Variants in NRXN3 observed in about 807,000 individuals in gnomAD.
The protein encoded by NRXN3 is neurexin III.
Under a neutral mutation model 137.6 loss-of-function variants are expected in NRXN3, and 32 were observed. That is an observed-to-expected ratio of 0.23 (90% CI 0.18 to 0.31). The LOEUF (loss-of-function observed/expected upper bound fraction) is 0.31, where lower values mean the gene tolerates loss of function less well. Among genes scored for constraint, NRXN3 ranks in the 10% least tolerant of loss-of-function variants. The probability of loss-of-function intolerance (pLI) is 1.00; values close to 1 mark genes in which losing one functional copy is unlikely to be tolerated. For synonymous variants in NRXN3, 798 were observed against 784.5 expected, an observed-to-expected ratio of 1.02 and a Z score of -0.29; for missense variants, 1,574 against 2,062.5, an observed-to-expected ratio of 0.76 and a Z score of 4.59.
At chr14:79,630,877 C>T (rs1162742558) in intron 16 of NRXN3, among the ~76,000 whole-genome samples, 1 of 152,182 alleles carries the variant, frequency 6.6e-6, no homozygotes, top group Non-Finnish European at 1.5e-5. Context: ...TATATAGATA[C>T]ATTTAGGTCT....
At chr14:78,442,540 TG>T (rs1371539596) in intron 4 of NRXN3, among the ~76,000 whole-genome samples, 1 of 152,240 alleles carries the variant, frequency 6.6e-6, no homozygotes, top group East Asian at 1.9e-4. Context: ...CCATCCAGTC[TG>T]TGGCAATTTG....
At chr14:79,549,943 AC>A (rs1248734363) in intron 16 of NRXN3, among the ~76,000 whole-genome samples, 2 of 148,978 alleles carry the variant, frequency 1.3e-5, no homozygotes, top group African/African-American at 2.5e-5. Context: ...CCTACAGGTT[AC>A]TTCTCATATT....
intron 4 of NRXN3, among the ~76,000 whole-genome samples, chr14:78,550,234 C>T (rs1241972581): frequency 6.6e-6 from 1 of 152,092 alleles, no homozygotes; most frequent in Non-Finnish European, 1.5e-5. Context: ...AGGGATTCAG[C>T]ATATTTCCCA....
At chr14:78,933,047 C>T (rs1037796516) in intron 10 of NRXN3, among the ~76,000 whole-genome samples, 3 of 152,088 alleles carry the variant, frequency 2.0e-5, no homozygotes, top group Admixed American at 6.6e-5. Context: ...CAATTTGCAT[C>T]GTCTGTCCAT....
At chr14:78,618,032 T>A (rs1195440516) in intron 4 of NRXN3, among the ~76,000 whole-genome samples, 2 of 151,952 alleles carry the variant, frequency 1.3e-5, no homozygotes, top group Non-Finnish European at 2.9e-5. Context: ...AATCAATCAT[T>A]CTTATGTATC....
intron 15 of NRXN3, among the ~76,000 whole-genome samples, chr14:79,265,740 T>C (rs2078366680): frequency 2.0e-5 from 3 of 152,214 alleles, no homozygotes. Flanking sequence ...TGACTCCCTC[T>C]GTGATGTTTC....
At chr14:79,254,049 C>T (rs774508595) in intron 15 of NRXN3, among the ~76,000 whole-genome samples, 1 of 152,138 alleles carries the variant, frequency 6.6e-6, no homozygotes. Flanking sequence ...CTCATTATTT[C>T]CATTCCATGG....
intron 19 of NRXN3, among the ~76,000 whole-genome samples, chr14:79,721,227 A>G (rs1258557373): frequency 6.6e-6 from 1 of 152,118 alleles, no homozygotes; most frequent in Non-Finnish European, 1.5e-5. Flanking sequence ...AATTCTTACT[A>G]CCTAATTCCA....
chr14:79,842,445 C>T (rs148142479), intron 20 of NRXN3, among the ~76,000 whole-genome samples: 41 of 152,154 alleles, frequency 2.7e-4, no homozygotes, highest in African/African-American at 8.7e-4. Flanking sequence ...GGCCAGAGCC[C>T]GAGATATCCT....
intron 16 of NRXN3, among the ~76,000 whole-genome samples, chr14:79,546,826 T>C (rs1467841581): frequency 6.6e-6 from 1 of 152,194 alleles, no homozygotes; most frequent in Non-Finnish European, 1.5e-5. Flanking sequence ...GTGTTTATTA[T>C]GTACTCTTAA....
In NRXN3 at chr14:79,146,502, G is replaced by A. The variant is rs558092121; in HGVS notation, c.3262+158361G>A. Among the ~76,000 whole-genome samples, 6 of 152,216 alleles carry A rather than the reference G, an allele frequency of 3.9e-5. No homozygotes were observed. The Middle Eastern group carries it at 0.01, about 259-fold the overall frequency. The stretch of plus-strand genomic sequence containing the variant: ...TTATAATATCTGATAAGATAGCATG[G>A]AAGGAAGGAACTTCACTCTCCTGGA... On this transcript the variant is annotated intron_variant, in intron 15 of 20. Transcript: ENST00000335750.
At chr14:79,396,124 A>G (rs916681928) in intron 15 of NRXN3, among the ~76,000 whole-genome samples, 7 of 152,050 alleles carry the variant, frequency 4.6e-5, no homozygotes, top group Admixed American at 4.6e-4. Flanking sequence ...TATTTTTCCT[A>G]TATAATCCAT....
intron 14 of NRXN3, among the ~76,000 whole-genome samples, chr14:78,969,579 C>G (rs898986293): frequency 2.0e-5 from 3 of 152,116 alleles, no homozygotes; most frequent in African/African-American, 7.2e-5. Context: ...CGCTTCTGTT[C>G]TTAAACAGCT....
intron 16 of NRXN3, among the ~76,000 whole-genome samples, chr14:79,638,633 T>C (rs754010380): frequency 1.4e-4 from 21 of 152,360 alleles, no homozygotes; most frequent in Non-Finnish European, 2.6e-4. Context: ...TCTAACTATA[T>C]TTTTCATGCA....
chr14:78,606,977 G>A (rs916534837), intron 4 of NRXN3, among the ~76,000 whole-genome samples: 1 of 152,128 alleles, frequency 6.6e-6, no homozygotes, highest in African/African-American at 2.4e-5. Flanking sequence ...GGTAGTCTTC[G>A]TTTTCCTGTT....
At chr14:79,099,032 G>A (rs968221077) in intron 15 of NRXN3, among the ~76,000 whole-genome samples, 2 of 152,130 alleles carry the variant, frequency 1.3e-5, no homozygotes, top group Admixed American at 6.5e-5. Flanking sequence ...CATGATGCAT[G>A]TCCTGGGGCT....
chr14:79,075,260 A>G (rs2045776191), intron 15 of NRXN3, among the ~76,000 whole-genome samples: 1 of 152,170 alleles, frequency 6.6e-6, no homozygotes, highest in Admixed American at 6.5e-5. Flanking sequence ...AGGAACTATG[A>G]AAGTGTATAC....
At chr14:79,664,099 CT>C in intron 17 of NRXN3, 150 bp downstream of exon 17, 1 of 813,478 alleles carries the variant, frequency 1.2e-6, no homozygotes, top group African/African-American at 1.7e-5. Flanking sequence ...TAAGTCATCT[CT>C]TTAGGACTTG....
At chr14:79,858,135 G>A (rs904013860) in intron 20 of NRXN3, among the ~76,000 whole-genome samples, 7 of 148,148 alleles carry the variant, frequency 4.7e-5, no homozygotes, top group South Asian at 2.2e-4. Context: ...TATAAAAAAT[G>A]TGGTTACTCT....
Sources: gnomAD v4.1 joint callset for allele counts (sites outside exome capture counted in the v4.1 genomes callset) on GRCh38, gnomAD v4.1.1 for gene constraint, MANE v1.5 for transcripts, NCBI Gene and HGNC (gene_info 2026-07-23, HGNC 2026-07-21) for gene names.